Variants in NPIPB11 observed in about 807,000 individuals in gnomAD.
NPIPB11 encodes nuclear pore complex-interacting protein family member B11.
A neutral mutation model predicts 32.8 loss-of-function variants in NPIPB11; 17 were observed. That is an observed-to-expected ratio of 0.52 (90% confidence interval 0.35 to 0.78). The LOEUF (loss-of-function observed/expected upper bound fraction) is 0.78, where lower values mean the gene tolerates loss of function less well. Among genes scored for constraint, NPIPB11 ranks in the 30% least tolerant of loss-of-function variants. NPIPB11 has a pLI of 0.01. For synonymous variants in NPIPB11, 209 were observed against 398.4 expected, an observed-to-expected ratio of 0.52 and a Z score of 5.66; for missense variants, 537 against 1,000.4, an observed-to-expected ratio of 0.54 and a Z score of 6.25.
At chr16:29,391,814 AG>A (rs1567272300) in intron 3 of NPIPB11, among the ~76,000 whole-genome samples, 3 of 152,022 alleles carry the variant, frequency 2.0e-5, no homozygotes, top group African/African-American at 7.3e-5. Context: ...TCCACCTCCC[AG>A]ATTCAAGCGA....
At chr16:29,394,392 A>T (rs2370565) in intron 2 of NPIPB11, among the ~76,000 whole-genome samples, 10 of 150,840 alleles carry the variant, frequency 6.6e-5, no homozygotes, top group Non-Finnish European at 8.8e-5. Context: ...TAACATACAC[A>T]AACACTAACA....
At chr16:29,391,824 G>A (rs1044298079) in intron 3 of NPIPB11, among the ~76,000 whole-genome samples, 9 of 151,998 alleles carry the variant, frequency 5.9e-5, no homozygotes, top group African/African-American at 1.9e-4. Context: ...AGATTCAAGC[G>A]ATTCTTGTGC....
At chr16:29,394,134 C>T in intron 2 of NPIPB11, 58 bp from the exon 3 acceptor site, 1 of 1,567,072 alleles carries the variant, frequency 6.4e-7, no homozygotes, top group Non-Finnish European at 8.6e-7. Flanking sequence ...ATATTTCACT[C>T]AGAAAGAATC....
intron 2 of NPIPB11, among the ~76,000 whole-genome samples, chr16:29,401,110 C>T (rs1200350487): frequency 6.6e-6 from 1 of 152,116 alleles, no homozygotes; most frequent in African/African-American, 2.4e-5. Flanking sequence ...TAGCACAATA[C>T]ATGCACGACA....
chr16:29,388,935 G>A (rs1253044975), intron 5 of NPIPB11, among the ~76,000 whole-genome samples: 3 of 134,732 alleles, frequency 2.2e-5, no homozygotes, highest in African/African-American at 8.5e-5. Flanking sequence ...GGTGGCTCAC[G>A]CCTGTAATCC....
intron 2 of NPIPB11, among the ~76,000 whole-genome samples, chr16:29,396,716 GC>G (rs1963861650): frequency 6.6e-6 from 1 of 151,242 alleles, no homozygotes; most frequent in Non-Finnish European, 1.5e-5. Context: ...AGCTGATATT[GC>G]CCCATTGCAC....
chr16:29,397,960 G>A (rs1440470126), intron 2 of NPIPB11, among the ~76,000 whole-genome samples: 2 of 95,224 alleles, frequency 2.1e-5, no homozygotes, highest in African/African-American at 5.1e-5. Flanking sequence ...AGGACACGCG[G>A]GGCAAGGGAG....
intron 2 of NPIPB11, among the ~76,000 whole-genome samples, chr16:29,397,161 A>T (rs1165710914): frequency 8.8e-6 from 1 of 113,298 alleles, no homozygotes; most frequent in African/African-American, 3.5e-5. Context: ...ACAGAGTGAG[A>T]CTCTGTCTAA....
intron 2 of NPIPB11, among the ~76,000 whole-genome samples, chr16:29,400,685 GT>G (rs1252132031): frequency 2.6e-5 from 4 of 151,764 alleles, no homozygotes; most frequent in African/African-American, 9.7e-5. Context: ...AAGAATGAGG[GT>G]CTGGGCACTC....
Position 29,390,062 on chromosome 16 carries a change from C to T in NPIPB11, c.424G>A (p.Val142Ile), listed in dbSNP as rs199704184. Residue 142 changes from valine (V) to isoleucine (I), a missense_variant, in exon 5 of 8, where the codon GTC becomes ATC. Val to Ile is a conservative substitution (Grantham distance 29). Transcript: ENST00000524087. ...TCCACATGCCTCCGTAGAGTAATGACGTCTTTCAGGCCAATTTTATTTCCT... is the reference window on the plus strand; with the variant it reads ...TCCACATGCCTCCGTAGAGTAATGATGTCTTTCAGGCCAATTTTATTTCCT... 2,057 of 1,588,888 alleles carry T rather than the reference C, an allele frequency of 1.3e-3. 10 individuals are homozygous for T. Among genetic ancestry groups the T allele is most frequent in the Non-Finnish European group, 1.6e-3 (1,907 of 1,173,294 alleles).
chr16:29,399,140 T>C (rs564247633), intron 2 of NPIPB11, among the ~76,000 whole-genome samples: 1,603 of 151,708 alleles, frequency 0.011, 19 homozygotes, highest in African/African-American at 0.035. Context: ...GACCCAGGGG[T>C]CTGGTGACCA....
chr16:29,406,330 G>A (rs537702958), upstream of NPIPB11, among the ~76,000 whole-genome samples: 12 of 152,268 alleles, frequency 7.9e-5, no homozygotes, highest in Non-Finnish European at 1.3e-4. Context: ...GTTGATATAC[G>A]TGTTCCAAAA....
intron 2 of NPIPB11, among the ~76,000 whole-genome samples, chr16:29,399,590 T>C: frequency 6.6e-6 from 1 of 150,818 alleles, no homozygotes. Flanking sequence ...CCCACCTACT[T>C]GGGAGGCTGA....
At chr16:29,398,025 C>A (rs1480430586) in intron 2 of NPIPB11, among the ~76,000 whole-genome samples, 1 of 82,784 alleles carries the variant, frequency 1.2e-5, no homozygotes, top group African/African-American at 6.0e-5. Flanking sequence ...ATCCGCCAAA[C>A]CTTCTTCGGT....
At chr16:29,383,120 G>A (rs538349010) in exon 8 of NPIPB11, 74 of 1,593,408 alleles carry the variant, frequency 4.6e-5, no homozygotes, top group Middle Eastern at 2.3e-4. Flanking sequence ...GTGAGCTGAC[G>A]CTCGGAAGGT....
intron 2 of NPIPB11, chr16:29,397,427 T>A: frequency 1.1e-6 from 1 of 874,722 alleles, no homozygotes; most frequent in Non-Finnish European, 1.6e-6. Flanking sequence ...CCCTGGCTAG[T>A]CTTCAACGCC....
chr16:29,390,775 C>A (rs1345948090), intron 3 of NPIPB11, among the ~76,000 whole-genome samples: 1 of 151,474 alleles, frequency 6.6e-6, no homozygotes, highest in African/African-American at 2.4e-5. Context: ...ACCAGCCTCA[C>A]CAACATGGAG....
intron 3 of NPIPB11, among the ~76,000 whole-genome samples, chr16:29,393,187 A>G (rs1053661885): frequency 1.3e-5 from 2 of 151,266 alleles, no homozygotes; most frequent in African/African-American, 4.9e-5. Flanking sequence ...ATTCAAAATT[A>G]CCCTGCCCAG....
chr16:29,402,698 G>GTCTCTCTCTCTC (rs762980727), intron 2 of NPIPB11, among the ~76,000 whole-genome samples: 42 of 118,914 alleles, frequency 3.5e-4, no homozygotes, highest in Admixed American at 5.1e-4. Context: ...GTGAAACTCT[G>GTCTCTCTCTCTC]TCTCTCTCTC....
Sources: gnomAD v4.1 joint callset for allele counts (sites outside exome capture counted in the v4.1 genomes callset) on GRCh38, gnomAD v4.1.1 for gene constraint, MANE v1.5 for transcripts, NCBI Gene and HGNC (gene_info 2026-07-23, HGNC 2026-07-21) for gene names.